ME1: variants seen among roughly 807,000 people sequenced by gnomAD.
ME1 encodes the protein malic enzyme 1.
A neutral mutation model predicts 66.4 loss-of-function variants in ME1; 74 were observed. That is an observed-to-expected ratio of 1.11 (90% confidence interval 0.92 to 1.35). ME1 has a LOEUF of 1.35. ME1 is among the 40% of genes most tolerant of loss of function. The pLI, the probability that ME1 is intolerant of heterozygous loss-of-function variation, is 0.00. For missense variants in ME1, 750 were observed against 694.1 expected (o/e 1.08, Z -0.90); for synonymous variants, 251 against 235.6 (o/e 1.07, Z -0.60).
chr6:83,392,406 C>G (rs1769639043), intron 3 of ME1: 1 of 493,042 alleles, frequency 2.0e-6, no homozygotes, highest in Non-Finnish European at 3.9e-6. Context: ...AGCTGCATCC[C>G]TGAGACACCA....
At chr6:83,238,995 A>G (rs1266978323) in intron 8 of ME1, among the ~76,000 whole-genome samples, 3 of 151,754 alleles carry the variant, frequency 2.0e-5, no homozygotes, top group African/African-American at 7.2e-5. Context: ...GTAATAACAA[A>G]GCATAATTTG....
intron 1 of ME1, among the ~76,000 whole-genome samples, chr6:83,410,682 G>C (rs781643102): frequency 1.3e-5 from 2 of 152,160 alleles, no homozygotes; most frequent in Non-Finnish European, 2.9e-5. Context: ...GTTATGCCTT[G>C]AAAATCTGCC....
In ME1 at chr6:83,321,158, C is replaced by G. The variant is rs1166197715; in HGVS notation, c.601-5745G>C. On this transcript the variant is annotated intron_variant, in intron 5 of 13. Transcript: ENST00000369705. Reference sequence around the variant, plus strand: ...ACTTTTCCCCATGGTCTTCACAACCCACAGACCAGGAGATTCCCTTGGGTG... The same window carrying G: ...ACTTTTCCCCATGGTCTTCACAACCGACAGACCAGGAGATTCCCTTGGGTG... 2.6e-5 allele frequency among the ~76,000 whole-genome samples: 4 copies of G among 152,186 alleles called. 1 individual carries two copies. Among genetic ancestry groups the G allele is most frequent in the Non-Finnish European group, 5.9e-5 (4 of 68,030 alleles).
At chr6:83,327,353 C>A (rs1768315287) in intron 5 of ME1, among the ~76,000 whole-genome samples, 1 of 152,200 alleles carries the variant, frequency 6.6e-6, no homozygotes, top group Admixed American at 6.5e-5. Context: ...AGGCATATTT[C>A]TCTTCTTTCA....
At chr6:83,231,864 A>C (rs1790315284) in intron 9 of ME1, among the ~76,000 whole-genome samples, 3 of 151,936 alleles carry the variant, frequency 2.0e-5, no homozygotes, top group African/African-American at 7.3e-5. Context: ...AAGAGTCTCT[A>C]ATTACCTCAA....
chr6:83,260,356 C>T (rs1322792878), intron 6 of ME1, among the ~76,000 whole-genome samples: 1 of 152,132 alleles, frequency 6.6e-6, no homozygotes, highest in Non-Finnish European at 1.5e-5. Context: ...AAAAAATCCT[C>T]CTTGTCTCCA....
In ME1 at chr6:83,223,705, G is replaced by C. The variant is rs924756892; in HGVS notation, c.1449+55C>G. The C allele has an allele frequency of 1.5e-5, 23 of 1,516,668 alleles. No homozygotes were observed. In the African/African-American group the frequency reaches 2.6e-4, roughly 17 times the overall value. The allele number at this position is 1,516,668 out of a possible 1,614,324, so 94.0% of individuals were successfully genotyped here. A position where few individuals can be genotyped will look rare whatever the true frequency, so the allele number is the denominator to read the frequency against. ...ATAAATAAAACATTAGACAACCTAGGCTGAGCACACTTGGTATTTTAAACC... is the reference window on the plus strand; with the variant it reads ...ATAAATAAAACATTAGACAACCTAGCCTGAGCACACTTGGTATTTTAAACC... On this transcript the variant is annotated intron_variant, in intron 12 of 13. Transcript: ENST00000369705.
intron 3 of ME1, among the ~76,000 whole-genome samples, chr6:83,385,591 TC>T (rs2128549119): frequency 6.6e-6 from 1 of 152,088 alleles, no homozygotes; most frequent in African/African-American, 2.4e-5. Flanking sequence ...AAGATAAGTT[TC>T]ACTGCCTTGA....
chr6:83,239,595 G>T lies in ME1; in HGVS notation c.856C>A (p.Arg286=). ...VAVAGLLAAL[R]ITKNKLSDQT... ...TCAGACAGTTTGTTCTTGGTTATTC[G>T]AAGAGCTGCAAGGAGACCTGCAACT... Residue 286 remains arginine, a synonymous_variant, in exon 8 of 14, where the codon CGA becomes AGA. Coordinates refer to ENST00000369705, the MANE Select transcript of ME1 (RefSeq NM_002395.6). 6.2e-7 allele frequency: 1 copy of T among 1,613,370 alleles called. No individual in the cohort carries two copies. The highest frequency in any genetic ancestry group is 8.5e-7 in the Non-Finnish European group (1 of 1,179,500).
chr6:83,264,520 G>C (rs1480791552), intron 6 of ME1, among the ~76,000 whole-genome samples: 1 of 152,048 alleles, frequency 6.6e-6, no homozygotes, highest in African/African-American at 2.4e-5. Flanking sequence ...CTCTGGAAAG[G>C]GTTTACCATT....
At chr6:83,259,047 T>C (rs1380305397) in intron 6 of ME1, among the ~76,000 whole-genome samples, 1 of 152,250 alleles carries the variant, frequency 6.6e-6, no homozygotes, top group East Asian at 1.9e-4. Flanking sequence ...CATGAATCTT[T>C]CTTTGATTAT....
At chr6:83,346,548 A>G (rs902770842) in intron 4 of ME1, among the ~76,000 whole-genome samples, 1 of 152,220 alleles carries the variant, frequency 6.6e-6, no homozygotes, top group Non-Finnish European at 1.5e-5. Context: ...AGGTTATTTT[A>G]AAAAGAAGGG....
chr6:83,430,987 C>T lies in ME1; in HGVS notation c.-33G>A, dbSNP rs546991757. On this transcript the variant is annotated 5_prime_UTR_variant, in exon 1 of 14. Coordinates refer to ENST00000369705, the MANE Select transcript of ME1 (RefSeq NM_002395.6). Reference sequence around the variant, plus strand: ...GCCGGGTTCGGCGGCGGGGTCAGGCCGGGGCGGGCCGCACGCGCGGTGCAG... The same window carrying T: ...GCCGGGTTCGGCGGCGGGGTCAGGCTGGGGCGGGCCGCACGCGCGGTGCAG... The T allele has an allele frequency of 2.9e-6, 4 of 1,386,218 alleles. No homozygotes were observed. The South Asian group carries it at 6.1e-5, about 21-fold the overall frequency. 85.9% of individuals were successfully genotyped at this position (1,386,218 alleles called of 1,614,324 possible). A position where few individuals can be genotyped will look rare whatever the true frequency, so the allele number is the denominator to read the frequency against.
intron 8 of ME1, among the ~76,000 whole-genome samples, chr6:83,239,052 T>C (rs1790463306): frequency 6.6e-6 from 1 of 151,866 alleles, no homozygotes; most frequent in South Asian, 2.1e-4. Flanking sequence ...TTTGGGATTT[T>C]TGCATGTGAA....
At chr6:83,213,213 T>G (rs1210320279) in intron 13 of ME1, among the ~76,000 whole-genome samples, 2 of 150,864 alleles carry the variant, frequency 1.3e-5, no homozygotes, top group Non-Finnish European at 3.0e-5. Flanking sequence ...TCACCTGAGG[T>G]CAGGAGTTCA....
intron 9 of ME1, among the ~76,000 whole-genome samples, chr6:83,236,215 C>T (rs1790401335): frequency 6.6e-6 from 1 of 152,022 alleles, no homozygotes; most frequent in Non-Finnish European, 1.5e-5. Flanking sequence ...GTAAGTGTAA[C>T]ATATCACTAT....
intron 8 of ME1, among the ~76,000 whole-genome samples, chr6:83,239,244 C>T (rs913646534): frequency 6.6e-6 from 1 of 151,962 alleles, no homozygotes; most frequent in Non-Finnish European, 1.5e-5. Context: ...TGCATATATA[C>T]ACATACATTG....
intron 6 of ME1, among the ~76,000 whole-genome samples, chr6:83,292,827 C>T (rs759654448): frequency 6.6e-6 from 1 of 152,098 alleles, no homozygotes; most frequent in Non-Finnish European, 1.5e-5. Context: ...AGCATAGAAC[C>T]GCCTACTCAA....
intron 6 of ME1, among the ~76,000 whole-genome samples, chr6:83,312,545 T>C (rs1207164475): frequency 6.6e-6 from 1 of 151,834 alleles, no homozygotes; most frequent in Non-Finnish European, 1.5e-5. Context: ...CAACATAGCA[T>C]TGATGGAGAA....
Sources: allele counts gnomAD v4.1 joint callset (sites outside exome capture counted in the v4.1 genomes callset), GRCh38; gene constraint gnomAD v4.1.1; transcripts MANE v1.5; gene names NCBI Gene and HGNC (gene_info 2026-07-23, HGNC 2026-07-21).